COPB1: variants seen among roughly 807,000 people sequenced by gnomAD.
COPB1 encodes the protein coat protein complex I subunit beta 1.
Under a neutral mutation model 108.7 loss-of-function variants are expected in COPB1, and 21 were observed. The ratio of observed to expected loss-of-function variants is 0.19; its 90% CI spans 0.14 to 0.28. The LOEUF (loss-of-function observed/expected upper bound fraction) is 0.28. COPB1 is among the 10% of genes least tolerant of loss of function. The pLI, the probability that COPB1 is intolerant of heterozygous loss-of-function variation, is 1.00. For missense variants in COPB1, 919 were observed against 1,141.3 expected (o/e 0.81, Z 2.81); for synonymous variants, 378 against 386.8 (o/e 0.98, Z 0.27).
chr11:14,483,258 A>ACACACT (rs1309478370), intron 7 of COPB1, 107 bp from the exon 8 acceptor site: 1 of 557,236 alleles, frequency 1.8e-6, no homozygotes, highest in East Asian at 3.2e-5. Flanking sequence ...ACACACACAC[A>ACACACT]CTCCCATGAA....
rs368613372 is a variant in COPB1, at chr11:14,480,817, C to T, written c.1154G>A (p.Arg385Gln). 10 of 1,613,910 alleles carry T rather than the reference C, an allele frequency of 6.2e-6. No homozygotes were observed. The highest frequency in any genetic ancestry group is 5.3e-5 in the African/African-American group (4 of 74,922). Reference sequence around the variant, plus strand: ...TCGGACAGAACAGGAATGCAATGTTCGCACTAGGAGTTGTCTGTATTTGTC... The same window carrying T: ...TCGGACAGAACAGGAATGCAATGTTTGCACTAGGAGTTGTCTGTATTTGTC... Reference protein sequence around the residue: ...DTDKYRQLLVRTLHSCSVRFP... With the variant: ...DTDKYRQLLVQTLHSCSVRFP... The change falls in exon 10 of 22, where the codon CGA (arginine) becomes CAA (glutamine). Residue 385 changes from arginine to glutamine, a missense_variant. This residue lies in a region of COPB1 where 705 missense variants were observed against 817.8 expected (regional missense o/e 0.86). Transcript: ENST00000439561.
chr11:14,468,598 T>C (rs146445121), intron 16 of COPB1, 83 bp downstream of exon 16: 75 of 1,340,064 alleles, frequency 5.6e-5, no homozygotes, highest in Non-Finnish European at 7.2e-5. Context: ...AAAATAGTTA[T>C]CTTTCTTTTA....
In COPB1 at chr11:14,457,836, T is replaced by C; in HGVS notation, c.2850A>G (p.Lys950=). ...LGDKINLSQK[K]TSI ...TTTTTGTTTATTTTTATATACTAGT[T>C]TTCTTCTGTGACAAGTTGATTTTAT... The change falls in exon 22 of 22, where the codon AAA becomes AAG. Residue 950 remains lysine (K), a synonymous_variant. Transcript: ENST00000439561. 6.3e-7 allele frequency: 1 copy of C among 1,591,498 alleles called. No homozygotes were observed. The highest frequency in any genetic ancestry group is 8.6e-7 in the Non-Finnish European group (1 of 1,162,552).
chr11:14,492,856 A>G (rs1850938952), intron 4 of COPB1, among the ~76,000 whole-genome samples: 2 of 152,204 alleles, frequency 1.3e-5, no homozygotes, highest in Admixed American at 1.3e-4. Flanking sequence ...TTAAAAATCC[A>G]AAATCTCAGC....
chr11:14,486,186 G>C (rs560854778), intron 7 of COPB1, among the ~76,000 whole-genome samples, 181 bp downstream of exon 7: 3 of 152,198 alleles, frequency 2.0e-5, no homozygotes, highest in Non-Finnish European at 4.4e-5. Flanking sequence ...ATGTGTGTAT[G>C]AAAGCAGGAA....
At chr11:14,498,772 AAT>A (rs1195429490) in intron 2 of COPB1, 64 bp downstream of exon 2, 20 of 1,278,678 alleles carry the variant, frequency 1.6e-5, no homozygotes, top group African/African-American at 3.0e-5. Context: ...AGGAATATGA[AAT>A]ATGAGTTTTT....
intron 10 of COPB1, among the ~76,000 whole-genome samples, chr11:14,480,349 A>G (rs192854832): frequency 2.1e-4 from 32 of 152,318 alleles, no homozygotes; most frequent in African/African-American, 7.0e-4. Flanking sequence ...TCAAATTATA[A>G]TAACATACCT....
At position 14,461,348 on chromosome 11, in the gene COPB1, A is replaced by C; in HGVS notation, c.2411-17T>G. ...CATCATAAACTGCAATTACATATACAAAAAGATTCGCAATCACTGGGGCAA... is the reference window on the plus strand; with the variant it reads ...CATCATAAACTGCAATTACATATACCAAAAGATTCGCAATCACTGGGGCAA... On this transcript the variant is annotated splice_polypyrimidine_tract_variant and intron_variant, in intron 18 of 21. Transcript: ENST00000439561. 2 of 1,605,884 alleles carry C rather than the reference A, an allele frequency of 1.2e-6. No homozygotes were observed. Among genetic ancestry groups the C allele is most frequent in the Non-Finnish European group, 1.7e-6 (2 of 1,176,120 alleles).
At chr11:14,463,366 G>A (rs1347193338) in intron 18 of COPB1, among the ~76,000 whole-genome samples, 2 of 152,184 alleles carry the variant, frequency 1.3e-5, no homozygotes, top group African/African-American at 4.8e-5. Context: ...TGTCTAGGCT[G>A]GAGCGCAGTG....
intron 18 of COPB1, among the ~76,000 whole-genome samples, chr11:14,462,166 T>C (rs1850170303): frequency 1.3e-5 from 2 of 152,032 alleles, no homozygotes; most frequent in South Asian, 4.1e-4. Flanking sequence ...CTATGACCAT[T>C]TCTTCCACAG....
At chr11:14,460,178 A>G in intron 20 of COPB1, 30 bp downstream of exon 20, 1 of 1,407,888 alleles carries the variant, frequency 7.1e-7, no homozygotes, top group Non-Finnish European at 1.0e-6. Context: ...CCATTCCATC[A>G]GATTTCTGAA....
At chr11:14,493,536 T>C (rs1225936163) in intron 4 of COPB1, 106 bp downstream of exon 4, 1 of 940,070 alleles carries the variant, frequency 1.1e-6, no homozygotes, top group African/African-American at 1.7e-5. Flanking sequence ...CCATACAAAA[T>C]ATATCTTCAA....
chr11:14,499,581 C>A (rs1851108110), intron 1 of COPB1, 126 bp downstream of exon 1: 1 of 145,012 alleles, frequency 6.9e-6, no homozygotes, highest in African/African-American at 2.6e-5. Context: ...GCCCCCACCC[C>A]GACCCGCACC....
chr11:14,478,664 C>T (rs1850584038), intron 11 of COPB1, among the ~76,000 whole-genome samples: 1 of 151,614 alleles, frequency 6.6e-6, no homozygotes, highest in African/African-American at 2.4e-5. Flanking sequence ...GTTGCCCAGG[C>T]TGGTCTCCAA....
chr11:14,492,975 A>C (rs1014346317), intron 4 of COPB1, among the ~76,000 whole-genome samples: 1 of 152,002 alleles, frequency 6.6e-6, no homozygotes, highest in African/African-American at 2.4e-5. Flanking sequence ...GTGAAACCCC[A>C]TATCTACTAA....
chr11:14,460,442 T>C, intron 19 of COPB1, 145 bp from the exon 20 acceptor site: 1 of 577,922 alleles, frequency 1.7e-6, no homozygotes, highest in Non-Finnish European at 3.1e-6. Context: ...ATCTATAAAA[T>C]CCAACAAGCT....
intron 21 of COPB1, 86 bp downstream of exon 21, chr11:14,458,446 G>T: frequency 3.1e-6 from 4 of 1,302,308 alleles, no homozygotes; most frequent in African/African-American, 1.5e-5. Flanking sequence ...ATGCTAAAAA[G>T]ATACTACATA....
At chr11:14,481,948 C>G (rs1431389282) in intron 8 of COPB1, among the ~76,000 whole-genome samples, 1 of 152,216 alleles carries the variant, frequency 6.6e-6, no homozygotes, top group Non-Finnish European at 1.5e-5. Context: ...ACCACCATGT[C>G]CAGCTAATTT....
rs61014253 is a variant in COPB1 at position 14,477,389 on chromosome 11, C to CAAAAAAAAAAAAAAAAAAAAAAA, written c.1359-375_1359-374insTTTTTTTTTTTTTTTTTTTTTTT. ...TGGGTGACAGAGCGAGACTCCGTCT[C>CAAAAAAAAAAAAAAAAAAAAAAA]AAAAAAAAAAAAAAAACAAGGGCCA... is the stretch of plus-strand genomic sequence containing the variant. On this transcript the variant is annotated intron_variant, in intron 11 of 21. Transcript: ENST00000439561. Among the ~76,000 whole-genome samples, 20 of 73,278 alleles carry CAAAAAAAAAAAAAAAAAAAAAAA rather than the reference C, an allele frequency of 2.7e-4. 2 individuals are homozygous for CAAAAAAAAAAAAAAAAAAAAAAA. Among genetic ancestry groups the CAAAAAAAAAAAAAAAAAAAAAAA allele is most frequent in the East Asian group, 1.8e-3 (4 of 2,186 alleles). The allele number at this position is 73,278 out of a possible 152,430, so 48.1% of individuals were successfully genotyped here. A position where few individuals can be genotyped will look rare whatever the true frequency, so the allele number is the denominator to read the frequency against.
Sources: gnomAD v4.1 joint callset for allele counts (sites outside exome capture counted in the v4.1 genomes callset) on GRCh38, gnomAD v4.1.1 for gene constraint, gnomAD v4.1.1 regional missense constraint, MANE v1.5 for transcripts, NCBI Gene and HGNC (gene_info 2026-07-23, HGNC 2026-07-21) for gene names.